Variants in FCGRT observed in about 807,000 individuals in gnomAD.
The protein encoded by FCGRT is IgG receptor FcRn large subunit p51.
Under a neutral mutation model 35.7 loss-of-function variants are expected in FCGRT, and 13 were observed. The observed-to-expected ratio is 0.36, with a 90% confidence interval of 0.24 to 0.58. FCGRT has a LOEUF of 0.58. Among genes scored for constraint, FCGRT ranks in the 20% least tolerant of loss-of-function variants. The probability of loss-of-function intolerance (pLI) is 0.77; values close to 1 mark genes in which losing one functional copy is unlikely to be tolerated. For synonymous variants in FCGRT, 233 were observed against 216.5 expected (o/e 1.08, Z -0.67); for missense variants, 455 against 474.9 (o/e 0.96, Z 0.39).
intron 1 of FCGRT, among the ~76,000 whole-genome samples, 157 bp downstream of exon 1, chr19:49,512,907 A>T (rs1433927133): frequency 3.3e-5 from 3 of 90,758 alleles, no homozygotes; most frequent in East Asian, 6.9e-4. Context: ...GGGGGTCTGG[A>T]CGCTGGGTCT....
intron 3 of FCGRT, 38 bp from the exon 4 acceptor site, chr19:49,514,173 G>A (rs201992787): frequency 2.4e-5 from 39 of 1,610,572 alleles, no homozygotes; most frequent in Non-Finnish European, 3.0e-5. Context: ...CCGGGTCCAT[G>A]CTCCGGGGCC....
intron 4 of FCGRT, among the ~76,000 whole-genome samples, chr19:49,523,809 G>A (rs1283767411): frequency 1.9e-4 from 28 of 148,452 alleles, no homozygotes; most frequent in African/African-American, 3.5e-4. Flanking sequence ...GCAGTGAGCC[G>A]AGATCGCGCC....
intron 4 of FCGRT, chr19:49,521,055 CTTTTA>C (rs1284193325): frequency 6.6e-6 from 1 of 152,344 alleles, no homozygotes; most frequent in Non-Finnish European, 1.5e-5. Flanking sequence ...AAATCTTTGC[CTTTTA>C]TTTTCTTTTT....
intron 2 of FCGRT, 99 bp from the exon 3 acceptor site, chr19:49,513,783 C>A: frequency 1.3e-6 from 1 of 757,640 alleles, no homozygotes; most frequent in Non-Finnish European, 1.8e-6. Flanking sequence ...ATCTGTCCCC[C>A]TCCCTCCATA....
At chr19:49,518,933 C>T (rs1027621959) in intron 4 of FCGRT, among the ~76,000 whole-genome samples, 4 of 151,886 alleles carry the variant, frequency 2.6e-5, no homozygotes, top group Non-Finnish European at 5.9e-5. Context: ...ACCTCCACCT[C>T]CCAAGTTGCA....
rs1200529818 is a variant in FCGRT, at chr19:49,513,736, G to C, written c.74-146G>C. 165 of 426,560 alleles carry C rather than the reference G, an allele frequency of 3.9e-4. 1 individual carries two copies. The African/African-American group carries it at 6.4e-3, about 16-fold the overall frequency. 26.4% of individuals were successfully genotyped at this position (426,560 alleles called of 1,614,324 possible). On this transcript the variant is annotated intron_variant, in intron 2 of 6. Transcript: ENST00000221466. Reference sequence around the variant, plus strand: ...CTTGTCTCTCTCTCTCTGGGTCTCTGTCCCCCCCCCCCCGGGTTTCTGTCC... The same window carrying C: ...CTTGTCTCTCTCTCTCTGGGTCTCTCTCCCCCCCCCCCCGGGTTTCTGTCC...
At chr19:49,524,903 C>A in intron 5 of FCGRT, 127 bp downstream of exon 5, 1 of 985,340 alleles carries the variant, frequency 1.0e-6, no homozygotes, top group Non-Finnish European at 1.6e-6. Context: ...TGCCTTGAAC[C>A]TCACGCCTGT....
rs1459800562 is a variant in FCGRT at position 49,524,633 on chromosome 19, G to T, written c.728G>T (p.Gly243Val). Residue 243 changes from glycine (G) to valine (V), a missense_variant, in exon 5 of 7, where the codon GGC (glycine) becomes GTC (valine). Physicochemically the swap from Gly to Val is moderately radical, Grantham distance 109 (BLOSUM62 -3). Transcript: ENST00000221466. ...LRFLRNGLAA[G>V]TGQGDFGPNS... Reference sequence around the variant, plus strand: ...TTCCTGCGGAATGGGCTGGCCGCTGGCACCGGCCAGGGTGACTTCGGCCCC... The same window carrying T: ...TTCCTGCGGAATGGGCTGGCCGCTGTCACCGGCCAGGGTGACTTCGGCCCC... 1 of 1,609,312 alleles carries T rather than the reference G, an allele frequency of 6.2e-7. No homozygotes were observed. Among genetic ancestry groups the T allele is most frequent in the East Asian group, 2.2e-5 (1 of 44,876 alleles).
chr19:49,514,594 C>G (rs1356881533), intron 4 of FCGRT, 108 bp downstream of exon 4: 1 of 1,085,978 alleles, frequency 9.2e-7, no homozygotes, highest in African/African-American at 1.6e-5. Context: ...GCAGCCCACG[C>G]TCTGCCCCCC....
In FCGRT at chr19:49,513,377, C is replaced by A; in HGVS notation, c.-14-10C>A. 1 of 1,227,112 alleles carries A rather than the reference C, an allele frequency of 8.1e-7. No individual in the cohort carries two copies. Among genetic ancestry groups the A allele is most frequent in the Non-Finnish European group, 1.0e-6 (1 of 972,606 alleles). The allele number at this position is 1,227,112 out of a possible 1,614,324, so 76.0% of individuals were successfully genotyped here. On this transcript the variant is annotated splice_polypyrimidine_tract_variant and intron_variant, in intron 1 of 6. Transcript: ENST00000221466. ...GGTCGGGAGGAGTCACGTGCCCCCTCCCGCCCCAGGTCGTCCTCTCAGCAT... is the reference window on the plus strand; with the variant it reads ...GGTCGGGAGGAGTCACGTGCCCCCTACCGCCCCAGGTCGTCCTCTCAGCAT...
chr19:49,514,400 A>T lies in FCGRT; in HGVS notation c.515A>T (p.Asn172Ile). The part of the protein sequence containing the change: ...QRWQQQDKAA[N>I]KELTFLLFSC... ...TGGCAGCAGCAGGACAAGGCGGCCA[A>T]CAAGGAGCTCACCTTCCTGCTATTC... is the stretch of plus-strand genomic sequence containing the variant. Residue 172 changes from asparagine (N) to isoleucine (I), a missense_variant, in exon 4 of 7, where the codon AAC (asparagine) becomes ATC (isoleucine). By Grantham distance (149) the Asn-to-Ile change is moderately radical. This residue lies in a region of FCGRT where 312 missense variants were observed against 296.1 expected (regional missense o/e 1.05). Coordinates refer to ENST00000221466, the MANE Select transcript of FCGRT (RefSeq NM_001136019.3). The T allele has an allele frequency of 2.5e-6, 4 of 1,607,458 alleles. No individual in the cohort carries two copies. The highest frequency in any genetic ancestry group is 3.4e-6 in the Non-Finnish European group (4 of 1,175,352).
intron 4 of FCGRT, among the ~76,000 whole-genome samples, chr19:49,516,822 C>T (rs917698059): frequency 3.9e-5 from 6 of 152,016 alleles, no homozygotes; most frequent in African/African-American, 9.7e-5. Flanking sequence ...TCCCAAAGTG[C>T]TGGGATTACA....
At chr19:49,516,984 G>A (rs1348276885) in intron 4 of FCGRT, among the ~76,000 whole-genome samples, 3 of 152,064 alleles carry the variant, frequency 2.0e-5, no homozygotes, top group Non-Finnish European at 4.4e-5. Context: ...GATCCCAGGA[G>A]TTCAAGACCA....
chr19:49,516,237 A>T, intron 4 of FCGRT: 2 of 427,906 alleles, frequency 4.7e-6, no homozygotes, highest in South Asian at 1.7e-5. Context: ...TTTCCTAAGT[A>T]GGGAAAATTT....
Position 49,524,705 on chromosome 19 carries a change from G to A in FCGRT, c.800G>A (p.Ser267Asn). Residue 267 changes from serine to asparagine, a missense_variant, in exon 5 of 7, where the codon AGT (serine) becomes AAT (asparagine). Coordinates refer to ENST00000221466, the MANE Select transcript of FCGRT (RefSeq NM_001136019.3). The stretch of plus-strand genomic sequence containing the variant: ...GCCTCGTCGTCACTAACAGTCAAAA[G>A]TGGCGATGAGCACCACTACTGCTGC... ...FHASSSLTVKSGDEHHYCCIV... is the reference protein window; with the variant it reads ...FHASSSLTVKNGDEHHYCCIV... The A allele has an allele frequency of 6.2e-7, 1 of 1,602,968 alleles. No individual in the cohort carries two copies. The highest frequency in any genetic ancestry group is 1.1e-5 in the South Asian group (1 of 91,088).
At chr19:49,514,539 A>T (rs2079995469) in intron 4 of FCGRT, 53 bp downstream of exon 4, 3 of 1,475,676 alleles carry the variant, frequency 2.0e-6, no homozygotes, top group African/African-American at 2.8e-5. Flanking sequence ...CGTCATGCCC[A>T]CCTGCCTCAG....
chr19:49,513,582 G>C (rs2079986666), intron 2 of FCGRT, 109 bp downstream of exon 2: 1 of 589,506 alleles, frequency 1.7e-6, no homozygotes, highest in Admixed American at 4.2e-5. Flanking sequence ...AGCCCCTGGC[G>C]CTGCCTTCTC....
At chr19:49,525,227 C>G (rs958232120) in intron 5 of FCGRT, 1 of 538,632 alleles carries the variant, frequency 1.9e-6, no homozygotes, top group Non-Finnish European at 3.4e-6. Context: ...CCCGCCTTGC[C>G]GCTGCTGATC....
rs765515964 is a variant in FCGRT, at chr19:49,526,157, A to G, written c.*38A>G. On this transcript the variant is annotated 3_prime_UTR_variant, in exon 7 of 7. Coordinates refer to ENST00000221466, the MANE Select transcript of FCGRT (RefSeq NM_001136019.3). ...CCGACTGCTAAAAGCGAATGTAGTC[A>G]GGCCCCTTTCATGCTGTGAGACCTC... The G allele has an allele frequency of 9.4e-6, 13 of 1,376,506 alleles. 1 individual carries two copies. Among genetic ancestry groups the G allele is most frequent in the African/African-American group, 5.7e-5 (4 of 70,334 alleles). The allele number at this position is 1,376,506 out of a possible 1,614,324, so 85.3% of individuals were successfully genotyped here. A position where few individuals can be genotyped will look rare whatever the true frequency, so the allele number is the denominator to read the frequency against.
Sources: gnomAD v4.1 joint callset for allele counts (sites outside exome capture counted in the v4.1 genomes callset) on GRCh38, gnomAD v4.1.1 for gene constraint, gnomAD v4.1.1 regional missense constraint, MANE v1.5 for transcripts, NCBI Gene and HGNC (gene_info 2026-07-23, HGNC 2026-07-21) for gene names.